Variants in CROCC observed in about 807,000 individuals in gnomAD.
CROCC encodes the protein ciliary rootlet coiled-coil, rootletin, also known as rootletin.
In CROCC, 180 loss-of-function variants were observed where a neutral mutation model predicts 245.2. The observed-to-expected ratio is 0.73, with a 90% confidence interval of 0.65 to 0.83. CROCC has a LOEUF of 0.83. Ranked by LOEUF, CROCC falls within the 40% of genes least tolerant of loss-of-function variation. CROCC has a pLI of 0.00. For synonymous variants in CROCC, 1,205 were observed against 1,241.6 expected (o/e 0.97, Z 0.62); for missense variants, 2,688 against 2,779.4 (o/e 0.97, Z 0.74).
chr1:16,946,751 T>A lies in CROCC; in HGVS notation c.2284-10T>A. The A allele has an allele frequency of 6.4e-7, 1 of 1,550,554 alleles. No individual in the cohort carries two copies. The highest frequency in any genetic ancestry group is 8.7e-7 in the Non-Finnish European group (1 of 1,146,422). ...CTGCTCACGAGGCCCCACTCCTACC[T>A]GGCCTCCAGCTGGAGGAAGAAAAGT... On this transcript the variant is annotated splice_polypyrimidine_tract_variant and intron_variant, in intron 16 of 36. Coordinates refer to ENST00000375541, the MANE Select transcript of CROCC (RefSeq NM_014675.5).
At chr1:16,958,799 G>A in intron 26 of CROCC, 49 bp downstream of exon 26, 1 of 1,532,588 alleles carries the variant, frequency 6.5e-7, no homozygotes, top group Non-Finnish European at 8.8e-7. Flanking sequence ...CCCCCAGCAG[G>A]AAGCAGGTGG....
Position 16,970,766 on chromosome 1 carries a change from AG to A in CROCC, c.5784+1del. 2 of 1,580,664 alleles carry A rather than the reference AG, an allele frequency of 1.3e-6. No individual in the cohort carries two copies. Among genetic ancestry groups the A allele is most frequent in the East Asian group, 4.5e-5 (2 of 44,602 alleles). On this transcript the variant is annotated frameshift_variant and splice_region_variant, in exon 35 of 37. Transcript: ENST00000375541. LOFTEE classifies it high-confidence loss of function. ...AEAQRQIQQL[E>X]AQVVVLEQSH... ...GCGCAGAGGCAGATCCAGCAGCTGG[AG>A]GTCTGACCCCACCCAGTCCGGGACC...
rs1359049139 is a variant in CROCC at position 16,936,885 on chromosome 1, G to C, written c.1193+12G>C. On this transcript the variant is annotated intron_variant, in intron 9 of 36. Transcript: ENST00000375541. ...GACCTCAGTGCCAGGTGGGTACCTGGTGGATGCCGCACGAGGCAGGCGTCC... is the reference window on the plus strand; with the variant it reads ...GACCTCAGTGCCAGGTGGGTACCTGCTGGATGCCGCACGAGGCAGGCGTCC... 1 of 1,604,640 alleles carries C rather than the reference G, an allele frequency of 6.2e-7. No homozygotes were observed. The highest frequency in any genetic ancestry group is 1.7e-5 in the Admixed American group (1 of 59,654).
chr1:16,960,669 A>T, intron 26 of CROCC, 89 bp from the exon 27 acceptor site: 2 of 1,362,660 alleles, frequency 1.5e-6, no homozygotes, highest in South Asian at 1.7e-5. Context: ...CCACACAGTC[A>T]GGGATGGTGG....
chr1:16,938,391 G>A lies in CROCC; in HGVS notation c.1291-9G>A, dbSNP rs755830955. On this transcript the variant is annotated splice_polypyrimidine_tract_variant and intron_variant, in intron 10 of 36. Transcript: ENST00000375541. ...CCAACCACCCTTTGTCTCCCTAACC[G>A]CACTCCAGGAATCCCTGCGGCTACA... 6.4e-6 allele frequency: 10 copies of A among 1,556,318 alleles called. No individual in the cohort carries two copies. The highest frequency in any genetic ancestry group is 3.9e-5 in the Admixed American group (2 of 51,552).
intron 11 of CROCC, 88 bp from the exon 12 acceptor site, chr1:16,938,821 C>A: frequency 1.6e-6 from 2 of 1,283,598 alleles, no homozygotes; most frequent in Admixed American, 2.2e-5. Flanking sequence ...AATGAGGCAG[C>A]CCCCAGCCTC....
intron 27 of CROCC, among the ~76,000 whole-genome samples, chr1:16,964,857 A>G (rs551876900): frequency 2.0e-4 from 30 of 152,184 alleles, no homozygotes; most frequent in Admixed American, 1.8e-3. Flanking sequence ...TAATTTTTGT[A>G]TTTTTAGTAG....
At chr1:16,969,494 G>T (rs980403470) in intron 32 of CROCC, among the ~76,000 whole-genome samples, 154 bp downstream of exon 32, 1 of 152,206 alleles carries the variant, frequency 6.6e-6, no homozygotes, top group African/African-American at 2.4e-5. Context: ...GGGCCCAGTA[G>T]ACCATCAGCC....
chr1:16,916,784 A>C (rs2075309956), intron 1 of CROCC, among the ~76,000 whole-genome samples: 1 of 152,294 alleles, frequency 6.6e-6, no homozygotes, highest in African/African-American at 2.4e-5. Context: ...AAGTGTTGGG[A>C]TCACAGGTGT....
chr1:16,964,157 C>T (rs1175540844), intron 27 of CROCC, among the ~76,000 whole-genome samples: 128 of 140,732 alleles, frequency 9.1e-4, no homozygotes, highest in African/African-American at 3.4e-3. Context: ...TTTTTTGAGA[C>T]AGAGTCTCTC....
rs2076056859 is a variant in CROCC at position 16,946,786 on chromosome 1, AG to A, written c.2312del (p.Gly771AlafsTer20). ...CTGGAGGAAGAAAAGTCCGCCCTGC[AG>A]GGCCGGCAACGGCAGGCAGAGCAGG... Reference protein sequence around the residue: ...AQLEEEKSALQGRQRQAEQEA... With the variant: ...AQLEEEKSALXGRQRQAEQEA... On this transcript the variant is annotated frameshift_variant, in exon 17 of 37. Transcript: ENST00000375541. LOFTEE classifies it high-confidence loss of function. 7.1e-6 allele frequency: 11 copies of A among 1,552,010 alleles called. No homozygotes were observed. The highest frequency in any genetic ancestry group is 9.6e-6 in the Non-Finnish European group (11 of 1,147,232).
intron 3 of CROCC, among the ~76,000 whole-genome samples, chr1:16,926,199 T>A (rs889678185): frequency 1.5e-4 from 23 of 152,354 alleles, no homozygotes; most frequent in Non-Finnish European, 2.6e-4. Context: ...ATGGTTTGAA[T>A]GAGGCCCCAC....
At chr1:16,918,534 C>G (rs1193250276), upstream of CROCC, among the ~76,000 whole-genome samples, 39 of 152,170 alleles carry the variant, frequency 2.6e-4, no homozygotes, top group Non-Finnish European at 4.6e-4. Flanking sequence ...TTCAGTCCCT[C>G]AAGGACATCT....
chr1:16,947,672 T>G (rs1246029952), intron 17 of CROCC, among the ~76,000 whole-genome samples: 3 of 152,086 alleles, frequency 2.0e-5, no homozygotes, highest in Admixed American at 1.3e-4. Flanking sequence ...GGGTAGGGGG[T>G]GCAGGAAGCA....
chr1:16,944,331 G>T, intron 14 of CROCC, 49 bp downstream of exon 14: 1 of 1,472,248 alleles, frequency 6.8e-7, no homozygotes, highest in South Asian at 1.4e-5. Flanking sequence ...TGTGCCTCGG[G>T]TCCCCTGACA....
intron 1 of CROCC, among the ~76,000 whole-genome samples, chr1:16,914,178 G>A (rs2075280102): frequency 6.6e-6 from 1 of 151,636 alleles, no homozygotes; most frequent in African/African-American, 2.4e-5. Flanking sequence ...GGGCGGGACG[G>A]ACGCGCTCCC....
intron 27 of CROCC, 141 bp downstream of exon 27, chr1:16,961,271 C>A (rs2100528112): frequency 2.4e-6 from 2 of 848,466 alleles, no homozygotes; most frequent in Non-Finnish European, 3.1e-6. Context: ...AGGTCCACTT[C>A]TTAGCCCCGT....
intron 33 of CROCC, 63 bp from the exon 34 acceptor site, chr1:16,970,190 C>T: frequency 6.9e-7 from 1 of 1,447,762 alleles, no homozygotes; most frequent in South Asian, 1.4e-5. Context: ...TCATTGTCCC[C>T]AAGCTTCAGA....
At chr1:16,953,115 T>G in intron 20 of CROCC, 187 bp from the exon 21 acceptor site, 1 of 601,952 alleles carries the variant, frequency 1.7e-6, no homozygotes, top group East Asian at 2.8e-5. Context: ...AGCCCACTGC[T>G]GCTCCTTGGC....
Sources: allele counts gnomAD v4.1 joint callset (sites outside exome capture counted in the v4.1 genomes callset), GRCh38; gene constraint gnomAD v4.1.1; transcripts MANE v1.5; gene names NCBI Gene and HGNC (gene_info 2026-07-23, HGNC 2026-07-21).